RIC8A: variants seen among roughly 807,000 people sequenced by gnomAD.
RIC8A encodes RIC8 guanine nucleotide exchange factor A.
Under a neutral mutation model 48.4 loss-of-function variants are expected in RIC8A, and 37 were observed. The observed-to-expected ratio is 0.77, with a 90% CI of 0.59 to 1.01. The LOEUF (loss-of-function observed/expected upper bound fraction) is 1.01. RIC8A is among the 50% of genes least tolerant of loss of function. The pLI is 0.00. For synonymous variants in RIC8A, 288 were observed against 283.4 expected (o/e 1.02, Z -0.16); for missense variants, 681 against 696.8 (o/e 0.98, Z 0.25).
Position 214,920 on chromosome 11 carries a change from C to G in RIC8A, c.*570C>G. On this transcript the variant is annotated 3_prime_UTR_variant, in exon 10 of 10. Transcript: ENST00000526104. ...TTAGACATTCTCCTTGGTCCTCGTTCAGCTGCCCACTGTAGTATCCACAGT... is the reference window on the plus strand; with the variant it reads ...TTAGACATTCTCCTTGGTCCTCGTTGAGCTGCCCACTGTAGTATCCACAGT... 2 of 201,042 alleles carry G rather than the reference C, an allele frequency of 9.9e-6. No homozygotes were observed. The highest frequency in any genetic ancestry group is 1.5e-4 in the South Asian group (2 of 12,928). 12.5% of individuals were successfully genotyped at this position (201,042 alleles called of 1,614,324 possible). A position where few individuals can be genotyped will look rare whatever the true frequency, so the allele number is the denominator to read the frequency against.
chr11:213,067 G>A lies in RIC8A; in HGVS notation c.1355+86G>A, dbSNP rs1474768761. Reference sequence around the variant, plus strand: ...ACCCATGTGGACCCCTGTAGGGTGGGACAGGATGACAAATGGGCAAGAGCT... The same window carrying A: ...ACCCATGTGGACCCCTGTAGGGTGGAACAGGATGACAAATGGGCAAGAGCT... On this transcript the variant is annotated intron_variant, in intron 8 of 9. Transcript: ENST00000526104. 12 of 1,471,094 alleles carry A rather than the reference G, an allele frequency of 8.2e-6. No individual in the cohort carries two copies. The South Asian group carries it at 9.8e-5, about 12-fold the overall frequency. 91.1% of individuals were successfully genotyped at this position (1,471,094 alleles called of 1,614,324 possible).
rs761530631 is a variant in RIC8A, at chr11:209,875, G to A, written c.601G>A (p.Gly201Arg). ...LLTDTLELTL[G>R]VTPEGNPPPT... ...AACTGACACACTGGAGCTGACGCTGGGGGTGACTCCTGAAGGGAACCCCCC... is the reference window on the plus strand; with the variant it reads ...AACTGACACACTGGAGCTGACGCTGAGGGTGACTCCTGAAGGGAACCCCCC... Residue 201 changes from glycine to arginine, a missense_variant, in exon 3 of 10, where the codon GGG (glycine) becomes AGG (arginine). Gly to Arg is a moderately radical substitution (Grantham distance 125). Transcript: ENST00000526104. 9.3e-6 allele frequency: 15 copies of A among 1,607,926 alleles called. No homozygotes were observed. The highest frequency in any genetic ancestry group is 1.1e-5 in the Non-Finnish European group (13 of 1,178,716).
chr11:209,584 T>A lies in RIC8A; in HGVS notation c.310T>A (p.Ser104Thr). 6.2e-7 allele frequency: 1 copy of A among 1,614,020 alleles called. No homozygotes were observed. Among genetic ancestry groups the A allele is most frequent in the Non-Finnish European group, 8.5e-7 (1 of 1,180,026 alleles). The change falls in exon 3 of 10, where the codon TCC becomes ACC. Residue 104 changes from serine to threonine, a missense_variant. Transcript: ENST00000526104. ...TGCTGACATCTCTGTCTCTGAGGGG[T>A]CCGTCCCAGAGTCCGCAGACATGGA... The part of the protein sequence containing the change: ...CYADISVSEG[S>T]VPESADMDVV...
chr11:209,766 C>T lies in RIC8A; in HGVS notation c.492C>T (p.Asp164=), dbSNP rs766456178. The T allele has an allele frequency of 3.0e-5, 49 of 1,613,978 alleles. No homozygotes were observed. Among genetic ancestry groups the T allele is most frequent in the Non-Finnish European group, 4.0e-5 (47 of 1,180,040 alleles). ...TCCCCCACGATGTCCAGTTCTTTGA[C>T]TTGCGGCTCCTCTTCCTGCTAACGG... is the stretch of plus-strand genomic sequence containing the variant. ...RSFPHDVQFF[D]LRLLFLLTAL... The change falls in exon 3 of 10, where the codon GAC becomes GAT. Residue 164 remains aspartate, a synonymous_variant. Coordinates refer to ENST00000526104, the MANE Select transcript of RIC8A (RefSeq NM_001286134.2).
chr11:211,369 G>A lies in RIC8A; in HGVS notation c.969+20G>A. On this transcript the variant is annotated intron_variant, in intron 5 of 9. Coordinates refer to ENST00000526104, the MANE Select transcript of RIC8A (RefSeq NM_001286134.2). The surrounding 1 kb of genome is among the most constrained non-coding windows in gnomAD (Gnocchi z 4.0). ...CACAAGGTAGGCTGGGGATGGCTGT[G>A]CAGGCTCCCCCAGTGGCTCTGGCAC... 1 of 1,609,208 alleles carries A rather than the reference G, an allele frequency of 6.2e-7. No homozygotes were observed. The highest frequency in any genetic ancestry group is 8.5e-7 in the Non-Finnish European group (1 of 1,177,298).
At chr11:213,517 T>C in intron 9 of RIC8A, 99 bp downstream of exon 9, 8 of 1,491,670 alleles carry the variant, frequency 5.4e-6, no homozygotes, top group Non-Finnish European at 7.2e-6. Flanking sequence ...GAGGAGAGCT[T>C]AGGATCCTGG....
chr11:210,391 C>T (rs1381485362), intron 3 of RIC8A, 180 bp from the exon 4 acceptor site: 1 of 725,270 alleles, frequency 1.4e-6, no homozygotes, highest in African/African-American at 1.7e-5. Flanking sequence ...CAGCAGTGGT[C>T]ATCTTTTGCC....
Position 212,414 on chromosome 11 carries a change from A to G in RIC8A, c.970-2A>G, listed in dbSNP as rs1171520090. 6.2e-7 allele frequency: 1 copy of G among 1,613,592 alleles called. No individual in the cohort carries two copies. Among genetic ancestry groups the G allele is most frequent in the South Asian group, 1.1e-5 (1 of 90,992 alleles). On this transcript the variant is annotated splice_acceptor_variant, in intron 5 of 9. Coordinates refer to ENST00000526104, the MANE Select transcript of RIC8A (RefSeq NM_001286134.2). LOFTEE classifies it high-confidence loss of function. Reference sequence around the variant, plus strand: ...GCCCCAGTGACAGAGAATCCTCTACAGACACACAGGCTGAAGGAGAGTGTA... The same window carrying G: ...GCCCCAGTGACAGAGAATCCTCTACGGACACACAGGCTGAAGGAGAGTGTA...
Position 209,875 on chromosome 11 carries a change from G to C in RIC8A, c.601G>C (p.Gly201Arg). 1 of 1,607,926 alleles carries C rather than the reference G, an allele frequency of 6.2e-7. No individual in the cohort carries two copies. Among genetic ancestry groups the C allele is most frequent in the Non-Finnish European group, 8.5e-7 (1 of 1,178,716 alleles). ...AACTGACACACTGGAGCTGACGCTGGGGGTGACTCCTGAAGGGAACCCCCC... is the reference window on the plus strand; with the variant it reads ...AACTGACACACTGGAGCTGACGCTGCGGGTGACTCCTGAAGGGAACCCCCC... The part of the protein sequence containing the change: ...LLTDTLELTL[G>R]VTPEGNPPPT... The change falls in exon 3 of 10, where the codon GGG becomes CGG. Residue 201 changes from glycine to arginine, a missense_variant. By Grantham distance (125) the Gly-to-Arg change is moderately radical. Coordinates refer to ENST00000526104, the MANE Select transcript of RIC8A (RefSeq NM_001286134.2).
In RIC8A at chr11:209,933, G is replaced by A. The variant is rs550585734; in HGVS notation, c.659G>A (p.Arg220Gln). 9 of 1,604,012 alleles carry A rather than the reference G, an allele frequency of 5.6e-6. No homozygotes were observed. The highest frequency in any genetic ancestry group is 1.3e-5 in the African/African-American group (1 of 74,928). Reference protein sequence around the residue: ...PTLLPSQETERAMEILKVLFN... With the variant: ...PTLLPSQETEQAMEILKVLFN... ...CTCCTTCCTTCCCAAGAGACTGAGC[G>A]GGCCATGGAGATCCTCAAAGTGCTC... Residue 220 changes from arginine (R) to glutamine (Q), a missense_variant, in exon 3 of 10, where the codon CGG (arginine) becomes CAG (glutamine). Physicochemically the swap from Arg to Gln is conservative, Grantham distance 43. Coordinates refer to ENST00000526104, the MANE Select transcript of RIC8A (RefSeq NM_001286134.2).
chr11:209,076 C>A, intron 1 of RIC8A, 138 bp downstream of exon 1: 6 of 1,042,152 alleles, frequency 5.8e-6, no homozygotes, highest in Non-Finnish European at 8.9e-6. Flanking sequence ...GGGGGCAGGT[C>A]TGGGATGCAG....
Position 212,651 on chromosome 11 carries a change from G to A in RIC8A, c.1102G>A (p.Glu368Lys). ...PPLRDVRTRP[E>K]VGEMLRNKLV... is the part of the protein sequence containing the mutation. ...TCTGCGGGATGTGAGGACACGGCCT[G>A]AGGTTGGGGAGATGCTGCGGAACAA... is the stretch of plus-strand genomic sequence containing the variant. The change falls in exon 7 of 10, where the codon GAG (glutamate) becomes AAG (lysine). Residue 368 changes from glutamate (E) to lysine (K), a missense_variant. Coordinates refer to ENST00000526104, the MANE Select transcript of RIC8A (RefSeq NM_001286134.2). 3 of 1,614,112 alleles carry A rather than the reference G, an allele frequency of 1.9e-6. No individual in the cohort carries two copies. Among genetic ancestry groups the A allele is most frequent in the African/African-American group, 1.3e-5 (1 of 75,064 alleles).
At chr11:210,780 C>A in intron 4 of RIC8A, 118 bp downstream of exon 4, 1 of 941,154 alleles carries the variant, frequency 1.1e-6, no homozygotes, top group Non-Finnish European at 1.7e-6. Context: ...GAGAGTCTGA[C>A]GTTGTCTGGG....
At chr11:213,498 G>A (rs1855426891) in intron 9 of RIC8A, 80 bp downstream of exon 9, 2 of 1,535,884 alleles carry the variant, frequency 1.3e-6, no homozygotes, top group Admixed American at 2.0e-5. Flanking sequence ...GCCCCAGGAG[G>A]TAGGATCAGA....
intron 9 of RIC8A, chr11:213,791 A>T (rs1033647560): frequency 4.2e-6 from 1 of 239,558 alleles, no homozygotes; most frequent in Non-Finnish European, 8.2e-6. Flanking sequence ...AAAATACAAA[A>T]AAAAAGTTAG....
chr11:209,598 C>T lies in RIC8A; in HGVS notation c.324C>T (p.Ser108=), dbSNP rs1301728291. The T allele has an allele frequency of 1.2e-6, 2 of 1,613,940 alleles. No homozygotes were observed. The highest frequency in any genetic ancestry group is 1.3e-5 in the African/African-American group (1 of 74,942). The change falls in exon 3 of 10, where the codon TCC becomes TCT. Residue 108 remains serine, a synonymous_variant. Transcript: ENST00000526104. ...TCTCTGAGGGGTCCGTCCCAGAGTC[C>T]GCAGACATGGATGTTGTACTGGAGT... ...ISVSEGSVPE[S]ADMDVVLESL... is the part of the protein sequence containing the mutation.
Position 214,686 on chromosome 11 carries a change from G to C in RIC8A, c.*336G>C, listed in dbSNP as rs1855488138. On this transcript the variant is annotated 3_prime_UTR_variant, in exon 10 of 10. Transcript: ENST00000526104. ...GGGCACACAGAAGAGCATATGGGAG[G>C]GCAGGGGTTTGGGTGTGGGTGCACA... The C allele has an allele frequency of 2.5e-6, 1 of 394,712 alleles. No homozygotes were observed. Among genetic ancestry groups the C allele is most frequent in the South Asian group, 2.1e-5 (1 of 48,026 alleles). The allele number at this position is 394,712 out of a possible 1,614,324, so 24.5% of individuals were successfully genotyped here.
rs1855352525 is a variant in RIC8A at position 211,360 on chromosome 11, G to GAT, written c.969+12_969+13dup. ...AAGCGTTTGCACAAGGTAGGCTGGG[G>GAT]ATGGCTGTGCAGGCTCCCCCAGTGG... On this transcript the variant is annotated intron_variant, in intron 5 of 9. Transcript: ENST00000526104. The surrounding 1 kb of genome is among the most constrained non-coding windows in gnomAD (Gnocchi z 4.0). The GAT allele has an allele frequency of 6.2e-7, 1 of 1,611,660 alleles. No homozygotes were observed. The highest frequency in any genetic ancestry group is 2.2e-5 in the East Asian group (1 of 44,852).
Position 211,720 on chromosome 11 carries a change from G to C in RIC8A, c.969+371G>C, listed in dbSNP as rs773209356. Reference sequence around the variant, plus strand: ...AGACCCATAGGAACCTCAGATCAAAGCTTCCTTCTGATTGCTGTGACTGCA... The same window carrying C: ...AGACCCATAGGAACCTCAGATCAAACCTTCCTTCTGATTGCTGTGACTGCA... On this transcript the variant is annotated intron_variant, in intron 5 of 9. Transcript: ENST00000526104. The surrounding 1 kb of genome is among the most constrained non-coding windows in gnomAD (Gnocchi z 4.0). The C allele has an allele frequency of 1.2e-5, 2 of 173,108 alleles. No homozygotes were observed. The highest frequency in any genetic ancestry group is 2.5e-5 in the Non-Finnish European group (2 of 81,384). 10.7% of individuals were successfully genotyped at this position (173,108 alleles called of 1,614,324 possible). A position where few individuals can be genotyped will look rare whatever the true frequency, so the allele number is the denominator to read the frequency against.
Sources: gnomAD v4.1 joint callset for allele counts on GRCh38, gnomAD v4.1.1 for gene constraint, Gnocchi (gnomAD v3.1) non-coding constraint, MANE v1.5 for transcripts, NCBI Gene and HGNC (gene_info 2026-07-23, HGNC 2026-07-21) for gene names.